COL11A1: variants seen among roughly 807,000 people sequenced by gnomAD.
COL11A1 encodes collagen type XI alpha 1 chain, also known as collagen alpha-1(XI) chain.
COL11A1 carries 74 observed loss-of-function variants against 265.2 expected under a neutral mutation model. The observed-to-expected ratio is 0.28, with a 90% confidence interval of 0.23 to 0.34. The LOEUF is 0.34. Among genes scored for constraint, COL11A1 ranks in the 10% least tolerant of loss-of-function variants. COL11A1 has a pLI of 1.00. For missense variants in COL11A1, 2,165 were observed against 2,263.6 expected, an observed-to-expected ratio of 0.96 and a Z score of 0.88; for synonymous variants, 816 against 727.6, an observed-to-expected ratio of 1.12 and a Z score of -1.96.
intron 48 of COL11A1, among the ~76,000 whole-genome samples, 189 bp from the exon 49 acceptor site, chr1:102,920,553 A>G (rs2101068366): frequency 6.6e-6 from 1 of 152,322 alleles, no homozygotes; most frequent in South Asian, 2.1e-4. Context: ...TCAATATATT[A>G]CACTGATTTT....
chr1:102,970,922 G>A (rs1440124711), intron 36 of COL11A1, among the ~76,000 whole-genome samples: 1 of 152,074 alleles, frequency 6.6e-6, no homozygotes, highest in East Asian at 1.9e-4. Flanking sequence ...GCTGAGGCAG[G>A]GGAATCCCTT....
In COL11A1 at chr1:102,934,485, T is replaced by C; in HGVS notation, c.3564A>G (p.Arg1188=). The change falls in exon 46 of 67, where the codon AGA becomes AGG. Residue 1188 remains arginine (R), a synonymous_variant. Transcript: ENST00000370096. ...TTGGACCAGGAGGTCCAGGGAAGCC[T>C]CTGGCACCCTCATCACCTTTTTGCC... ...MFGQKGDEGA[R]GFPGPPGPIG... The C allele has an allele frequency of 6.2e-7, 1 of 1,614,156 alleles. No individual in the cohort carries two copies. The highest frequency in any genetic ancestry group is 1.3e-5 in the African/African-American group (1 of 75,072).
At position 102,946,975 on chromosome 1, in the gene COL11A1, A is replaced by G. The variant is rs762558119; in HGVS notation, c.3169-19T>C. The G allele has an allele frequency of 6.3e-7, 1 of 1,589,836 alleles. No homozygotes were observed. The highest frequency in any genetic ancestry group is 8.6e-7 in the Non-Finnish European group (1 of 1,162,278). On this transcript the variant is annotated intron_variant, in intron 41 of 66. Coordinates refer to ENST00000370096, the MANE Select transcript of COL11A1 (RefSeq NM_001854.4). ...GTGAGCCCTAGTATACAGGAAAAGA[A>G]GTATTTTGTTATTAAAGAAAGTAAT...
At chr1:103,035,710 A>C (rs114324964) in intron 4 of COL11A1, among the ~76,000 whole-genome samples, 2,673 of 152,158 alleles carry the variant, frequency 0.018, 85 homozygotes, top group African/African-American at 0.061. Flanking sequence ...TCATCTAGAC[A>C]ACCATATTTA....
chr1:102,887,626 T>C (rs986992560), intron 62 of COL11A1, among the ~76,000 whole-genome samples: 1 of 152,160 alleles, frequency 6.6e-6, no homozygotes, highest in Non-Finnish European at 1.5e-5. Flanking sequence ...CAAATAGTTA[T>C]CATATTGTCA....
At position 103,079,307 on chromosome 1, in the gene COL11A1, T is replaced by C. The variant is rs140050654; in HGVS notation, c.275-436A>G. ...CCAATTTACAAACGTATTCTTTCTG[T>C]TGTTTCTTTAAAAGCTTAAGAGTTT... On this transcript the variant is annotated intron_variant, in intron 2 of 66. Transcript: ENST00000370096. Among the ~76,000 whole-genome samples, 71 of 152,272 alleles carry C rather than the reference T, an allele frequency of 4.7e-4. No homozygotes were observed. In the East Asian group the frequency reaches 0.013, roughly 27 times the overall value.
At chr1:102,924,047 A>C (rs935433858) in intron 46 of COL11A1, among the ~76,000 whole-genome samples, 31 of 132,690 alleles carry the variant, frequency 2.3e-4, no homozygotes, top group Non-Finnish European at 4.6e-4. Flanking sequence ...GTCTCAACTA[A>C]AAATACAAAA....
intron 2 of COL11A1, among the ~76,000 whole-genome samples, chr1:103,081,142 T>C (rs936344440): frequency 6.6e-6 from 1 of 151,928 alleles, no homozygotes; most frequent in African/African-American, 2.4e-5. Context: ...GTTGATTATA[T>C]GGCTCTTATC....
chr1:103,078,934 T>A, intron 2 of COL11A1, 63 bp from the exon 3 acceptor site: 1 of 1,190,204 alleles, frequency 8.4e-7, no homozygotes, highest in Non-Finnish European at 1.2e-6. Flanking sequence ...TATTCCTAGA[T>A]CACTGTGGTA....
intron 43 of COL11A1, among the ~76,000 whole-genome samples, chr1:102,939,811 T>G (rs572840292): frequency 6.6e-6 from 1 of 152,114 alleles, no homozygotes; most frequent in African/African-American, 2.4e-5. Context: ...GGTTTAAAAA[T>G]TTTTAAATAA....
chr1:103,031,359 A>G (rs534682511), intron 4 of COL11A1, 115 bp from the exon 5 acceptor site: 1 of 1,254,536 alleles, frequency 8.0e-7, no homozygotes, highest in African/African-American at 1.5e-5. Context: ...AAGAAAAATG[A>G]CCTACTTATA....
intron 23 of COL11A1, 96 bp downstream of exon 23, chr1:103,002,332 G>T: frequency 9.3e-7 from 1 of 1,071,318 alleles, no homozygotes; most frequent in Non-Finnish European, 1.4e-6. Flanking sequence ...AATATTGCTA[G>T]GACTACATAG....
At chr1:103,022,191 A>G (rs1667150268) in intron 8 of COL11A1, among the ~76,000 whole-genome samples, 1 of 152,000 alleles carries the variant, frequency 6.6e-6, no homozygotes, top group South Asian at 2.1e-4. Context: ...TTAGTAAACT[A>G]AACACATTTA....
At position 102,904,532 on chromosome 1, in the gene COL11A1, AAAAC is replaced by A. The variant is rs531250838; in HGVS notation, c.4087-5542_4087-5539del. On this transcript the variant is annotated intron_variant, in intron 54 of 66. Transcript: ENST00000370096. ...TGAACTCAAACAAATTTACAAGAAA[AAAAC>A]AAACAACCCCATCAAAAAGTGGGTG... is the stretch of plus-strand genomic sequence containing the variant. 3.9e-3 allele frequency among the ~76,000 whole-genome samples: 590 copies of A among 152,216 alleles called. 4 individuals are homozygous for A. The highest frequency in any genetic ancestry group is 0.014 in the African/African-American group (567 of 41,522).
intron 4 of COL11A1, among the ~76,000 whole-genome samples, chr1:103,036,985 T>C (rs1321220131): frequency 6.6e-6 from 1 of 152,032 alleles, no homozygotes; most frequent in East Asian, 1.9e-4. Flanking sequence ...CAGATGATGT[T>C]CTTGTGAATG....
intron 54 of COL11A1, among the ~76,000 whole-genome samples, chr1:102,910,008 CATT>C (rs1318874304): frequency 2.0e-5 from 3 of 151,846 alleles, no homozygotes; most frequent in African/African-American, 7.3e-5. Context: ...ATAGCGTCAA[CATT>C]ATTATGTCAA....
intron 1 of COL11A1, among the ~76,000 whole-genome samples, chr1:103,084,348 A>T (rs1223000707): frequency 6.6e-6 from 1 of 152,140 alleles, no homozygotes; most frequent in Non-Finnish European, 1.5e-5. Flanking sequence ...GTGCCATATG[A>T]CCCAGCAATT....
intron 54 of COL11A1, 29 bp downstream of exon 54, chr1:102,912,130 G>A: frequency 6.3e-7 from 1 of 1,580,708 alleles, no homozygotes; most frequent in Non-Finnish European, 8.7e-7. Context: ...ATGAGCATAT[G>A]TTTCAAATAA....
In COL11A1 at chr1:102,979,110, A is replaced by G. The variant is rs370656406; in HGVS notation, c.2611-6T>C. The G allele has an allele frequency of 2.4e-5, 38 of 1,613,914 alleles. No homozygotes were observed. The highest frequency in any genetic ancestry group is 3.1e-5 in the Non-Finnish European group (36 of 1,179,908). On this transcript the variant is annotated splice_region_variant and splice_polypyrimidine_tract_variant and intron_variant, in intron 32 of 66. Transcript: ENST00000370096. ...CCTGGTTTGCCAGCTACTCCCTAGC[A>G]AAGACAGTTCAATTTCAATATGCAG... is the stretch of plus-strand genomic sequence containing the variant.
Sources: gnomAD v4.1 joint callset for allele counts (sites outside exome capture counted in the v4.1 genomes callset) on GRCh38, gnomAD v4.1.1 for gene constraint, MANE v1.5 for transcripts, NCBI Gene and HGNC (gene_info 2026-07-23, HGNC 2026-07-21) for gene names.